The following USH2A variants were observed in gnomAD, a reference collection of about 807,000 sequenced individuals.
USH2A encodes the protein usherin.
A neutral mutation model predicts 538.9 loss-of-function variants in USH2A; 443 were observed. The ratio of observed to expected loss-of-function variants is 0.82; its 90% confidence interval spans 0.76 to 0.89. USH2A has a LOEUF of 0.89. Among genes scored for constraint, USH2A ranks in the 40% least tolerant of loss-of-function variants. The pLI is 0.00. For synonymous variants in USH2A, 2,413 were observed against 2,273.5 expected, an observed-to-expected ratio of 1.06 and a Z score of -1.75; for missense variants, 6,633 against 6,324.8, an observed-to-expected ratio of 1.05 and a Z score of -1.65.
chr1:215,730,382 A>G (rs527984453), intron 60 of USH2A, among the ~76,000 whole-genome samples: 45 of 152,320 alleles, frequency 3.0e-4, no homozygotes, highest in African/African-American at 3.8e-4. Context: ...CCTCTTCTCC[A>G]TCAGCTCTTA....
At chr1:215,999,148 G>T in intron 33 of USH2A, 90 bp from the exon 34 acceptor site, 1 of 1,135,358 alleles carries the variant, frequency 8.8e-7, no homozygotes, top group Non-Finnish European at 1.3e-6. Flanking sequence ...ACTTGGATTT[G>T]TGACACTTTT....
intron 21 of USH2A, among the ~76,000 whole-genome samples, chr1:216,122,274 T>C (rs1408735101): frequency 6.6e-6 from 1 of 152,080 alleles, no homozygotes; most frequent in African/African-American, 2.4e-5. Context: ...GGGCAGGACA[T>C]AGGAGTAGCT....
At chr1:215,899,174 T>A (rs1665427231) in intron 40 of USH2A, among the ~76,000 whole-genome samples, 1 of 152,184 alleles carries the variant, frequency 6.6e-6, no homozygotes, top group Non-Finnish European at 1.5e-5. Context: ...ACAATTGATA[T>A]TGTTGCAAAT....
At chr1:216,075,219 C>A (rs1213166454) in intron 27 of USH2A, among the ~76,000 whole-genome samples, 1 of 152,102 alleles carries the variant, frequency 6.6e-6, no homozygotes, top group Admixed American at 6.6e-5. Context: ...GTCCTCTGGC[C>A]TCTGGCCTTG....
rs979510077 is a variant in USH2A at position 216,089,054 on chromosome 1, T to A, written c.4844A>T (p.His1615Leu). ...GKWHEIIAIR[H>L]QAFGQITLDG... The stretch of plus-strand genomic sequence containing the variant: ...CAGAGTGATTTGGCCAAAAGCCTGA[T>A]GCCTAATAGCAATTATTTCATGCCA... The change falls in exon 23 of 72, where the codon CAT becomes CTT. Residue 1615 changes from histidine to leucine, a missense_variant. Coordinates refer to ENST00000307340, the MANE Select transcript of USH2A (RefSeq NM_206933.4). 6.2e-7 allele frequency: 1 copy of A among 1,613,468 alleles called. No individual in the cohort carries two copies. The highest frequency in any genetic ancestry group is 8.5e-7 in the Non-Finnish European group (1 of 1,179,648).
intron 19 of USH2A, 33 bp downstream of exon 19, chr1:216,196,520 T>A (rs769079165): frequency 6.2e-7 from 1 of 1,612,328 alleles, no homozygotes; most frequent in Non-Finnish European, 8.5e-7. Context: ...CCTAAGCCAA[T>A]TCTGAAAGGA....
At chr1:216,379,992 A>G (rs2102732091) in intron 3 of USH2A, among the ~76,000 whole-genome samples, 1 of 152,360 alleles carries the variant, frequency 6.6e-6, no homozygotes, top group South Asian at 2.1e-4. Flanking sequence ...ATTTGAAGTA[A>G]CATTTAATAT....
chr1:215,640,838 T>A (rs878975409), intron 67 of USH2A, 104 bp from the exon 68 acceptor site: 103 of 633,728 alleles, frequency 1.6e-4, no homozygotes, highest in East Asian at 3.3e-4. Flanking sequence ...ACCGAACCAA[T>A]CCAAACAAAA....
At chr1:216,263,287 T>G (rs1405373017) in intron 11 of USH2A, among the ~76,000 whole-genome samples, 1 of 152,100 alleles carries the variant, frequency 6.6e-6, no homozygotes, top group Non-Finnish European at 1.5e-5. Flanking sequence ...AAGGCCAGCA[T>G]TACCCTGATA....
chr1:216,404,415 G>A (rs947895069), intron 3 of USH2A, among the ~76,000 whole-genome samples: 1 of 151,598 alleles, frequency 6.6e-6, no homozygotes, highest in Non-Finnish European at 1.5e-5. Flanking sequence ...CAGTACTCAA[G>A]AACATGTGGA....
At chr1:216,414,776 T>C (rs574570153) in intron 3 of USH2A, among the ~76,000 whole-genome samples, 1 of 152,214 alleles carries the variant, frequency 6.6e-6, no homozygotes, top group South Asian at 2.1e-4. Flanking sequence ...TGTGGCCATT[T>C]GGAAGATGGG....
intron 64 of USH2A, among the ~76,000 whole-genome samples, chr1:215,652,372 A>G (rs1037023791): frequency 4.6e-5 from 7 of 152,256 alleles, no homozygotes; most frequent in African/African-American, 1.2e-4. Context: ...CGACTTGTCC[A>G]TAGACGAATA....
intron 58 of USH2A, among the ~76,000 whole-genome samples, chr1:215,746,843 CTTTTT>C (rs1247165841): frequency 7.2e-5 from 11 of 152,084 alleles, no homozygotes; most frequent in Admixed American, 7.2e-4. Context: ...CTTACTGTGC[CTTTTT>C]TTGGAGTATC....
chr1:216,132,100 CTATGA>C (rs1015150931), intron 21 of USH2A, among the ~76,000 whole-genome samples: 4 of 152,068 alleles, frequency 2.6e-5, no homozygotes, highest in South Asian at 2.1e-4. Context: ...ATTCCTTTTA[CTATGA>C]TATAATATTT....
intron 56 of USH2A, among the ~76,000 whole-genome samples, chr1:215,764,224 G>A (rs1661063606): frequency 6.6e-6 from 1 of 152,126 alleles, no homozygotes; most frequent in Non-Finnish European, 1.5e-5. Flanking sequence ...GGGTGCTATA[G>A]TGTAAAGAGT....
rs551033290 is a variant in USH2A, at chr1:215,783,063, T to C, written c.10388-128A>G. ...TTTAATGCTCTAAACGCTTTGTATA[T>C]AAATAAAACTCTAATATCTTTATTT... On this transcript the variant is annotated intron_variant, in intron 52 of 71. Transcript: ENST00000307340. 1.6e-5 allele frequency: 12 copies of C among 757,836 alleles called. No individual in the cohort carries two copies. The African/African-American group carries it at 2.1e-4, about 13-fold the overall frequency. 46.9% of individuals were successfully genotyped at this position (757,836 alleles called of 1,614,324 possible). A position where few individuals can be genotyped will look rare whatever the true frequency, so the allele number is the denominator to read the frequency against.
At chr1:215,687,950 G>C (rs1291101607) in intron 61 of USH2A, among the ~76,000 whole-genome samples, 1 of 152,046 alleles carries the variant, frequency 6.6e-6, no homozygotes, top group African/African-American at 2.4e-5. Flanking sequence ...AGGACAAATG[G>C]GCAATATATA....
intron 32 of USH2A, among the ~76,000 whole-genome samples, chr1:216,025,100 C>A (rs1167097845): frequency 4.0e-5 from 6 of 151,870 alleles, no homozygotes; most frequent in East Asian, 1.9e-4. Flanking sequence ...ATAATATTAG[C>A]ATTAATATTT....
At chr1:216,076,874 C>T (rs2031770511) in intron 27 of USH2A, among the ~76,000 whole-genome samples, 1 of 152,092 alleles carries the variant, frequency 6.6e-6, no homozygotes, top group Non-Finnish European at 1.5e-5. Context: ...GGACCTTTTT[C>T]ACACGTGGGA....
Sources: allele counts gnomAD v4.1 joint callset (sites outside exome capture counted in the v4.1 genomes callset), GRCh38; gene constraint gnomAD v4.1.1; transcripts MANE v1.5; gene names NCBI Gene and HGNC (gene_info 2026-07-23, HGNC 2026-07-21).